The following SGIP1 variants were observed in gnomAD, a reference collection of about 807,000 sequenced individuals.
SGIP1 encodes the protein SH3-containing GRB2-like protein 3-interacting protein 1.
Under a neutral mutation model 107.5 loss-of-function variants are expected in SGIP1, and 38 were observed. The ratio of observed to expected loss-of-function variants is 0.35; its 90% CI spans 0.27 to 0.46. The LOEUF is 0.46. Among genes scored for constraint, SGIP1 ranks in the 20% least tolerant of loss-of-function variants. The pLI, the probability that SGIP1 is intolerant of heterozygous loss-of-function variation, is 1.00. For synonymous variants in SGIP1, 365 were observed against 366.1 expected (o/e 1.00, Z 0.03); for missense variants, 929 against 1,019.5 (o/e 0.91, Z 1.21).
At position 66,717,926 on chromosome 1, in the gene SGIP1, T is replaced by C. The variant is rs562227006; in HGVS notation, c.1631-1368T>C. Among the ~76,000 whole-genome samples, 4 of 152,300 alleles carry C rather than the reference T, an allele frequency of 2.6e-5. No homozygotes were observed. The East Asian group carries it at 7.7e-4, about 29-fold the overall frequency. On this transcript the variant is annotated intron_variant, in intron 18 of 24. Coordinates refer to ENST00000371037, the MANE Select transcript of SGIP1 (RefSeq NM_032291.4). ...GAATGCTGCTGCTGATGGTAACTCA[T>C]TGAGGACAACGACCATGTGTTTTTG...
chr1:66,634,901 A>C (rs1297552343), intron 3 of SGIP1, among the ~76,000 whole-genome samples: 1 of 152,204 alleles, frequency 6.6e-6, no homozygotes, highest in Non-Finnish European at 1.5e-5. Flanking sequence ...GTCTGCATTC[A>C]GTTCTCAGAG....
chr1:66,646,131 G>A (rs1003712717), intron 7 of SGIP1, among the ~76,000 whole-genome samples: 10 of 152,044 alleles, frequency 6.6e-5, no homozygotes, highest in Non-Finnish European at 1.0e-4. Context: ...GTGAGCCACC[G>A]CACCCAGCCA....
intron 1 of SGIP1, among the ~76,000 whole-genome samples, chr1:66,539,255 G>A (rs1034157384): frequency 1.3e-5 from 2 of 152,162 alleles, no homozygotes; most frequent in African/African-American, 4.8e-5. Context: ...ACAGAATTGA[G>A]GAGCATAGTA....
chr1:66,667,227 A>AGTTTT (rs2082770702), intron 8 of SGIP1, among the ~76,000 whole-genome samples: 5 of 152,162 alleles, frequency 3.3e-5, no homozygotes, highest in African/African-American at 1.2e-4. Context: ...AAGACATTAA[A>AGTTTT]CATTGTCAGT....
intron 1 of SGIP1, among the ~76,000 whole-genome samples, chr1:66,572,902 A>G (rs1258747775): frequency 6.6e-6 from 1 of 152,148 alleles, no homozygotes; most frequent in Non-Finnish European, 1.5e-5. Flanking sequence ...ATACATATAC[A>G]TATTATAACA....
At chr1:66,577,670 G>T (rs949938311) in intron 1 of SGIP1, among the ~76,000 whole-genome samples, 10 of 151,964 alleles carry the variant, frequency 6.6e-5, no homozygotes, top group Non-Finnish European at 1.5e-4. Context: ...GTAAAATGGG[G>T]CTTTGAACAT....
Position 66,675,345 on chromosome 1 carries a change from G to T in SGIP1, c.647-1659G>T, listed in dbSNP as rs574404212. Among the ~76,000 whole-genome samples, 207 of 152,168 alleles carry T rather than the reference G, an allele frequency of 1.4e-3. 1 individual carries two copies. Among genetic ancestry groups the T allele is most frequent in the African/African-American group, 4.9e-3 (204 of 41,514 alleles). On this transcript the variant is annotated intron_variant, in intron 12 of 24. Transcript: ENST00000371037. ...GGGGAGGAGATACACACCCAGACCT[G>T]TCCATGACTGTGGCCTCAGTTGTTC...
intron 20 of SGIP1, among the ~76,000 whole-genome samples, chr1:66,730,465 C>T (rs2093955927): frequency 6.6e-6 from 1 of 151,970 alleles, no homozygotes; most frequent in Non-Finnish European, 1.5e-5. Flanking sequence ...CATCTACAAA[C>T]CTCTCTCTGA....
chr1:66,591,211 C>T (rs1333731998), intron 1 of SGIP1, among the ~76,000 whole-genome samples: 2 of 152,162 alleles, frequency 1.3e-5, no homozygotes, highest in Admixed American at 6.5e-5. Context: ...AAATATCTTA[C>T]CAAACCATTT....
chr1:66,735,689 G>A (rs1216126905), intron 21 of SGIP1, among the ~76,000 whole-genome samples: 1 of 67,254 alleles, frequency 1.5e-5, no homozygotes, highest in Non-Finnish European at 3.3e-5. Flanking sequence ...GCGCGGTGGC[G>A]GGCGCCTGTA....
chr1:66,715,167 T>G (rs2093162919), intron 18 of SGIP1, among the ~76,000 whole-genome samples: 1 of 152,174 alleles, frequency 6.6e-6, no homozygotes, highest in Non-Finnish European at 1.5e-5. Context: ...GATTGCTATC[T>G]AGAAGTGGTT....
At chr1:66,601,077 G>C (rs2065705781) in intron 1 of SGIP1, among the ~76,000 whole-genome samples, 2 of 152,134 alleles carry the variant, frequency 1.3e-5, no homozygotes, top group Admixed American at 1.3e-4. Flanking sequence ...CTCAAAAGAA[G>C]TAAAGGCCGG....
intron 7 of SGIP1, 67 bp downstream of exon 7, chr1:66,643,786 C>A (rs938838680): frequency 1.3e-5 from 18 of 1,398,750 alleles, no homozygotes; most frequent in Non-Finnish European, 1.6e-5. Flanking sequence ...TGCCTATATG[C>A]ATTAAGTCAA....
intron 1 of SGIP1, among the ~76,000 whole-genome samples, chr1:66,592,014 G>T (rs927357040): frequency 6.6e-6 from 1 of 152,174 alleles, no homozygotes. Flanking sequence ...TAGAATGCAC[G>T]ATGGGGTTTT....
chr1:66,555,481 G>A (rs1447616528), intron 1 of SGIP1, among the ~76,000 whole-genome samples: 2 of 152,090 alleles, frequency 1.3e-5, no homozygotes. Context: ...TGTTCATCAA[G>A]AGGGATGTAT....
intron 18 of SGIP1, among the ~76,000 whole-genome samples, chr1:66,709,190 CCCCCGACAGGCCCCAGTGTGTGATGTT>C (rs1179678239): frequency 4.0e-5 from 6 of 150,110 alleles, no homozygotes; most frequent in Non-Finnish European, 7.4e-5. Flanking sequence ...CAGCCCCCCA[CCCCCGACAGGCCCCAGTGTGTGATGTT>C]CCCCTGCCTG....
chr1:66,703,264 G>T (rs2092148251), intron 18 of SGIP1, among the ~76,000 whole-genome samples: 1 of 152,118 alleles, frequency 6.6e-6, no homozygotes, highest in African/African-American at 2.4e-5. Context: ...CACTTCCTAT[G>T]CAAAGCATCC....
Position 66,555,168 on chromosome 1 carries a change from A to G in SGIP1, c.10+20800A>G, listed in dbSNP as rs142750011. ...TCCTGAAATAGATTTCAAGTTGCAC[A>G]TATTCCCAGGCTCTACCCAACTTCC... On this transcript the variant is annotated intron_variant, in intron 1 of 24. Transcript: ENST00000371037. Among the ~76,000 whole-genome samples, 324 of 152,178 alleles carry G rather than the reference A, an allele frequency of 2.1e-3. 2 individuals are homozygous for G. Among genetic ancestry groups the G allele is most frequent in the African/African-American group, 7.2e-3 (300 of 41,526 alleles).
At chr1:66,611,652 A>G (rs1001744550) in intron 1 of SGIP1, among the ~76,000 whole-genome samples, 2 of 152,220 alleles carry the variant, frequency 1.3e-5, no homozygotes, top group Non-Finnish European at 2.9e-5. Flanking sequence ...CTCAAAGGTG[A>G]TAGCTTCATG....
Sources: allele counts gnomAD v4.1 joint callset (sites outside exome capture counted in the v4.1 genomes callset), GRCh38; gene constraint gnomAD v4.1.1; transcripts MANE v1.5; gene names NCBI Gene and HGNC (gene_info 2026-07-23, HGNC 2026-07-21).